Variants in RNF128 observed in about 807,000 individuals in gnomAD.
The protein encoded by RNF128 is E3 ubiquitin-protein ligase RNF128.
A neutral mutation model predicts 26.2 loss-of-function variants in RNF128; 13 were observed. The ratio of observed to expected loss-of-function variants is 0.50; its 90% CI spans 0.32 to 0.79. The LOEUF is 0.79. Ranked by LOEUF, RNF128 falls within the 30% of genes least tolerant of loss-of-function variation. RNF128 has a pLI of 0.03. For missense variants in RNF128, 315 were observed against 349.7 expected, an observed-to-expected ratio of 0.90 and a Z score of 0.79; for synonymous variants, 149 against 142.5, an observed-to-expected ratio of 1.05 and a Z score of -0.32.
At chrX:106,765,983 T>C (rs1266031918) in intron 1 of RNF128, among the ~76,000 whole-genome samples, 2 of 108,776 alleles carry the variant, frequency 1.8e-5, no homozygotes, top group African/African-American at 6.7e-5. Context: ...GTTTTCTGTC[T>C]TGGTGATAGT....
intron 1 of RNF128, among the ~76,000 whole-genome samples, chrX:106,738,896 A>G (rs1046740368): frequency 2.7e-5 from 3 of 111,803 alleles, no homozygotes; most frequent in Non-Finnish European, 5.6e-5. Context: ...ACCCTCATCT[A>G]TAGCCCAGCT....
At chrX:106,695,134 C>T (rs1278212256) in intron 1 of RNF128, among the ~76,000 whole-genome samples, 1 of 109,820 alleles carries the variant, frequency 9.1e-6, no homozygotes, top group Non-Finnish European at 1.9e-5. Context: ...AAACAGTTTC[C>T]AAGTAAATAG....
intron 1 of RNF128, among the ~76,000 whole-genome samples, chrX:106,710,766 A>T (rs1238276823): frequency 9.2e-6 from 1 of 108,699 alleles, no homozygotes; most frequent in East Asian, 2.9e-4. Context: ...AAAAAAAAAA[A>T]AAAAAGCTGA....
chrX:106,789,666 A>G (rs1485199884), intron 4 of RNF128, among the ~76,000 whole-genome samples: 1 of 107,002 alleles, frequency 9.3e-6, no homozygotes, highest in African/African-American at 3.4e-5. Context: ...AAATGAAATC[A>G]TGCATCTGTT....
intron 3 of RNF128, 102 bp downstream of exon 3, chrX:106,785,238 G>A (rs1490938695): frequency 2.6e-5 from 16 of 624,603 alleles, no homozygotes; most frequent in Non-Finnish European, 3.9e-5. Context: ...TGGCATTTAT[G>A]AACCTTATTG....
intron 1 of RNF128, among the ~76,000 whole-genome samples, chrX:106,744,422 T>A (rs1281431180): frequency 9.0e-6 from 1 of 111,551 alleles, no homozygotes; most frequent in Non-Finnish European, 1.9e-5. Flanking sequence ...AATATAGTTA[T>A]TTTTAATACA....
intron 1 of RNF128, among the ~76,000 whole-genome samples, chrX:106,734,268 G>A (rs968065007): frequency 9.0e-6 from 1 of 110,851 alleles, no homozygotes; most frequent in African/African-American, 3.3e-5. Flanking sequence ...ATGCTTCACC[G>A]AGGTTTACAT....
rs748652053 is a variant in RNF128 at position 106,726,902 on chromosome X, A to AGC, written c.-3_-2dup. On this transcript the variant is annotated 5_prime_UTR_variant, in exon 1 of 7. Transcript: ENST00000255499. The stretch of plus-strand genomic sequence containing the variant: ...TGCCAGGGGCGCTAGGGAACTGCGG[A>AGC]GCGCGCGCGCCATGGGGCCGCCGCC... 52 of 1,161,144 alleles carry AGC rather than the reference A, an allele frequency of 4.5e-5. No homozygotes were observed. In the African/African-American group the frequency reaches 7.4e-4, roughly 17 times the overall value.
intron 1 of RNF128, among the ~76,000 whole-genome samples, chrX:106,755,739 A>G (rs1363876062): frequency 9.0e-6 from 1 of 111,637 alleles, no homozygotes; most frequent in African/African-American, 3.3e-5. Context: ...AAAAAGGGCA[A>G]TTAGGCAGGA....
Position 106,752,265 on chromosome X carries a change from C to A in RNF128, c.485-20648C>A, listed in dbSNP as rs777721179. 3.6e-4 allele frequency among the ~76,000 whole-genome samples: 40 copies of A among 112,527 alleles called. No individual in the cohort carries two copies. In the South Asian group the frequency reaches 0.014, roughly 40 times the overall value. On this transcript the variant is annotated intron_variant, in intron 1 of 6. Coordinates refer to ENST00000255499, the MANE Select transcript of RNF128 (RefSeq NM_194463.2). The stretch of plus-strand genomic sequence containing the variant: ...ACCCAGAACTATGCTGGTTTCTGGT[C>A]TAATGCAGCTCAGTCCCAGCAGTGG...
chrX:106,734,104 T>G (rs1166416886), intron 1 of RNF128, among the ~76,000 whole-genome samples: 1 of 111,996 alleles, frequency 8.9e-6, no homozygotes, highest in Admixed American at 9.5e-5. Context: ...AATTTCTCCA[T>G]GTATCTAGAA....
chrX:106,750,492 G>A (rs1210700906), intron 1 of RNF128, among the ~76,000 whole-genome samples: 1 of 111,453 alleles, frequency 9.0e-6, no homozygotes, highest in Admixed American at 9.6e-5. Flanking sequence ...GGGTTGACGT[G>A]AGGATTAAAT....
At chrX:106,765,866 C>A (rs1930218156) in intron 1 of RNF128, among the ~76,000 whole-genome samples, 1 of 105,825 alleles carries the variant, frequency 9.4e-6, no homozygotes, top group Non-Finnish European at 1.9e-5. Flanking sequence ...GCTATCCCCC[C>A]CAGCCCCCCA....
chrX:106,766,248 A>G (rs776420423), intron 1 of RNF128, among the ~76,000 whole-genome samples: 67 of 111,752 alleles, frequency 6.0e-4, no homozygotes, highest in Admixed American at 2.1e-3. Context: ...GGATGGCTAG[A>G]TCAAATGGTA....
chrX:106,699,944 A>G (rs1258596169), intron 1 of RNF128, among the ~76,000 whole-genome samples: 1 of 110,856 alleles, frequency 9.0e-6, no homozygotes, highest in Non-Finnish European at 1.9e-5. Context: ...ATTATTTTCT[A>G]TCAAAACCTT....
intron 1 of RNF128, among the ~76,000 whole-genome samples, chrX:106,715,024 G>A (rs1427304541): frequency 9.0e-6 from 1 of 111,691 alleles, no homozygotes; most frequent in Non-Finnish European, 1.9e-5. Context: ...TTTGTGAATG[G>A]CTTTCTGTGA....
intron 3 of RNF128, among the ~76,000 whole-genome samples, chrX:106,785,620 C>T (rs1277426721): frequency 9.0e-6 from 1 of 111,683 alleles, no homozygotes; most frequent in African/African-American, 3.3e-5. Flanking sequence ...AGAAGGAGTG[C>T]AGTATTGCCA....
At chrX:106,709,624 G>A (rs867515041) in intron 1 of RNF128, among the ~76,000 whole-genome samples, 63 of 110,491 alleles carry the variant, frequency 5.7e-4, no homozygotes, top group African/African-American at 2.0e-3. Flanking sequence ...TGGGCTCACC[G>A]CAACCTCTGC....
chrX:106,766,950 C>G (rs1930260912), intron 1 of RNF128, among the ~76,000 whole-genome samples: 1 of 111,715 alleles, frequency 9.0e-6, no homozygotes, highest in African/African-American at 3.3e-5. Flanking sequence ...CCAGTTTTCC[C>G]AGCACCATTT....
Sources: allele counts gnomAD v4.1 joint callset (sites outside exome capture counted in the v4.1 genomes callset), GRCh38; gene constraint gnomAD v4.1.1; transcripts MANE v1.5; gene names NCBI Gene and HGNC (gene_info 2026-07-23, HGNC 2026-07-21).